The following C4orf36 variants were observed in gnomAD, a reference collection of about 807,000 sequenced individuals.
C4orf36 encodes the protein uncharacterized protein C4orf36.
A neutral mutation model predicts 12.2 loss-of-function variants in C4orf36; 11 were observed. That is an observed-to-expected ratio of 0.90 (90% CI 0.57 to 1.49). C4orf36 has a LOEUF of 1.49. Among genes scored for constraint, C4orf36 ranks in the 40% most tolerant of loss-of-function variants. The probability of loss-of-function intolerance (pLI) is 0.00; values close to 1 mark genes in which losing one functional copy is unlikely to be tolerated. For missense variants in C4orf36, 137 were observed against 133.9 expected, an observed-to-expected ratio of 1.02 and a Z score of -0.11; for synonymous variants, 54 against 51.3, an observed-to-expected ratio of 1.05 and a Z score of -0.22.
chr4:86,891,312 A>T (rs1172568625), intron 2 of C4orf36, 144 bp downstream of exon 2: 1 of 607,850 alleles, frequency 1.6e-6, no homozygotes, highest in Non-Finnish European at 2.6e-6. Context: ...AAAAAAAAAA[A>T]ATCAGATCCC....
the C4orf36 span, among the ~76,000 whole-genome samples, chr4:86,920,716 C>G: frequency 1.3e-5 from 2 of 152,164 alleles, no homozygotes; most frequent in African/African-American, 4.8e-5. Flanking sequence ...ACCACTCCCT[C>G]AATAACTAAC....
At chr4:86,933,737 G>A in the C4orf36 span, among the ~76,000 whole-genome samples, 8 of 152,192 alleles carry the variant, frequency 5.3e-5, no homozygotes, top group African/African-American at 1.7e-4. Context: ...TTTAAAAGGT[G>A]TACAAACACT....
At chr4:86,890,152 T>C (rs1747336423) in intron 2 of C4orf36, 1 of 417,826 alleles carries the variant, frequency 2.4e-6, no homozygotes, top group Non-Finnish European at 4.6e-6. Context: ...CGTGACAGTG[T>C]GAGACCCTGT....
chr4:86,880,123 G>C (rs1213318240), intron 4 of C4orf36, among the ~76,000 whole-genome samples: 1 of 152,074 alleles, frequency 6.6e-6, no homozygotes, highest in Non-Finnish European at 1.5e-5. Context: ...CAACCTTCTG[G>C]GATTACAGGT....
chr4:86,891,515 C>A lies in C4orf36; in HGVS notation c.6G>T (p.Ala2=). The A allele has an allele frequency of 6.2e-7, 1 of 1,613,952 alleles. No homozygotes were observed. The highest frequency in any genetic ancestry group is 1.1e-5 in the South Asian group (1 of 91,084). The change falls in exon 2 of 5, where the codon GCG becomes GCT. Residue 2 remains alanine (A), a synonymous_variant. Coordinates refer to ENST00000295898, the MANE Select transcript of C4orf36 (RefSeq NM_144645.4). M[A]YGVPRKNTVK... Reference sequence around the variant, plus strand: ...CTGTGTTCTTTCTTGGCACTCCATACGCCATGGTGAGTTATTACGGTATGA... The same window carrying A: ...CTGTGTTCTTTCTTGGCACTCCATAAGCCATGGTGAGTTATTACGGTATGA...
At chr4:86,893,904 ATT>A (rs989195445), upstream of C4orf36, among the ~76,000 whole-genome samples, 15 of 146,736 alleles carry the variant, frequency 1.0e-4, no homozygotes, top group Admixed American at 1.0e-3. Context: ...TTATTTATTT[ATT>A]TATTTATTGA....
the C4orf36 span, among the ~76,000 whole-genome samples, chr4:86,934,051 GA>G: frequency 6.6e-6 from 1 of 152,294 alleles, no homozygotes; most frequent in Non-Finnish European, 1.5e-5. Flanking sequence ...ATTAAAAAGA[GA>G]AAAGGCAGAG....
intron 4 of C4orf36, among the ~76,000 whole-genome samples, chr4:86,886,267 A>G (rs1747175898): frequency 2.0e-5 from 3 of 152,332 alleles, no homozygotes; most frequent in Middle Eastern, 3.4e-3. Flanking sequence ...TAGTTTCAGA[A>G]GGAATGGTTA....
the C4orf36 span, among the ~76,000 whole-genome samples, chr4:86,928,480 C>A: frequency 6.6e-6 from 1 of 152,076 alleles, no homozygotes; most frequent in African/African-American, 2.4e-5. Context: ...AGCAAAGAAG[C>A]CCTGAAAAGG....
At chr4:86,925,000 G>A in the C4orf36 span, 3 of 152,190 alleles carry the variant, frequency 2.0e-5, no homozygotes, top group Non-Finnish European at 4.4e-5. Flanking sequence ...CAGAGCAGGA[G>A]CAAGAGAGAA....
chr4:86,905,469 C>T, the C4orf36 span, among the ~76,000 whole-genome samples: 1 of 152,126 alleles, frequency 6.6e-6, no homozygotes, highest in Non-Finnish European at 1.5e-5. Flanking sequence ...GGGAGGATTG[C>T]TTGAGCCCCA....
At chr4:86,926,021 C>G in the C4orf36 span, 1 of 152,066 alleles carries the variant, frequency 6.6e-6, no homozygotes, top group African/African-American at 2.4e-5. Flanking sequence ...GGATTACAGG[C>G]TCCCACCACC....
At chr4:86,891,906 T>C (rs1332978331) in intron 1 of C4orf36, among the ~76,000 whole-genome samples, 1 of 152,228 alleles carries the variant, frequency 6.6e-6, no homozygotes, top group Non-Finnish European at 1.5e-5. Flanking sequence ...ATCGTGGCAG[T>C]GCTGAGCGAC....
At chr4:86,914,447 C>T in the C4orf36 span, 1 of 617,772 alleles carries the variant, frequency 1.6e-6, no homozygotes, top group Non-Finnish European at 2.6e-6. Context: ...ATCGCCCAGG[C>T]TGGAGTGCAG....
the C4orf36 span, among the ~76,000 whole-genome samples, chr4:86,909,568 AT>A: frequency 6.6e-6 from 1 of 152,142 alleles, no homozygotes; most frequent in Non-Finnish European, 1.5e-5. Context: ...TTAAATTCTA[AT>A]TTTTTATCAG....
At chr4:86,887,103 G>T (rs1747201229) in intron 4 of C4orf36, 1 of 151,804 alleles carries the variant, frequency 6.6e-6, no homozygotes, top group Non-Finnish European at 1.5e-5. Flanking sequence ...TCACACACGG[G>T]GGCCTGTTGT....
the C4orf36 span, among the ~76,000 whole-genome samples, chr4:86,897,459 A>G: frequency 2.0e-5 from 3 of 152,214 alleles, no homozygotes; most frequent in Non-Finnish European, 4.4e-5. Context: ...AACCCAGGTC[A>G]GTTTTACTCC....
the C4orf36 span, chr4:86,913,767 A>G: frequency 3.5e-6 from 5 of 1,420,728 alleles, no homozygotes; most frequent in Non-Finnish European, 5.0e-6. Flanking sequence ...TAACTCTGAC[A>G]TCAGCTGCCC....
the C4orf36 span, among the ~76,000 whole-genome samples, chr4:86,917,366 T>TGGAAGGAAGGAAGGAAA: frequency 2.0e-5 from 2 of 99,354 alleles, no homozygotes; most frequent in Non-Finnish European, 3.9e-5. Flanking sequence ...AAGGAAAGGA[T>TGGAAGGAAGGAAGGAAA]GGAAGGAAGG....
Sources: gnomAD v4.1 joint callset for allele counts (sites outside exome capture counted in the v4.1 genomes callset) on GRCh38, gnomAD v4.1.1 for gene constraint, MANE v1.5 for transcripts, NCBI Gene and HGNC (gene_info 2026-07-23, HGNC 2026-07-21) for gene names.